Variants in FAM228A observed in about 807,000 individuals in gnomAD.
The protein encoded by FAM228A is protein FAM228A.
A neutral mutation model predicts 18.6 loss-of-function variants in FAM228A; 13 were observed. The observed-to-expected ratio is 0.70, with a 90% CI of 0.45 to 1.11. The LOEUF is 1.11. Ranked by LOEUF, FAM228A falls within the 50% of genes least tolerant of loss-of-function variation. The pLI is 0.00. For synonymous variants in FAM228A, 77 were observed against 86.6 expected (o/e 0.89, Z 0.61); for missense variants, 240 against 242.2 (o/e 0.99, Z 0.06).
intron 5 of FAM228A, among the ~76,000 whole-genome samples, chr2:24,185,126 T>C (rs1667917228): frequency 1.3e-5 from 2 of 152,104 alleles, no homozygotes; most frequent in Admixed American, 1.3e-4. Flanking sequence ...CCTGGCCTGC[T>C]TTTATAGTTT....
Position 24,183,654 on chromosome 2 carries a change from G to A in FAM228A, c.401+9G>A, listed in dbSNP as rs1253744420. On this transcript the variant is annotated intron_variant, in intron 5 of 5. Transcript: ENST00000295150. ...AAAACTTACAAATACAGGTACAGAT[G>A]AGCAGAACAAACAAATATTTGTTTA... The A allele has an allele frequency of 6.4e-7, 1 of 1,569,490 alleles. No individual in the cohort carries two copies. Among genetic ancestry groups the A allele is most frequent in the Admixed American group, 2.0e-5 (1 of 50,418 alleles).
rs1482135697 is a variant in FAM228A, at chr2:24,175,096, C to T, written c.-93C>T. 5.7e-6 allele frequency: 1 copy of T among 175,078 alleles called. No homozygotes were observed. The highest frequency in any genetic ancestry group is 1.2e-5 in the Non-Finnish European group (1 of 83,878). 10.8% of individuals were successfully genotyped at this position (175,078 alleles called of 1,614,324 possible). A position where few individuals can be genotyped will look rare whatever the true frequency, so the allele number is the denominator to read the frequency against. The stretch of plus-strand genomic sequence containing the variant: ...GCCCGCGGGCTCCTTTCTCCGTCGC[C>T]GCTCCAGGACGCGGCCTCGGGGGAG... On this transcript the variant is annotated 5_prime_UTR_variant, in exon 1 of 6. Coordinates refer to ENST00000295150, the MANE Select transcript of FAM228A (RefSeq NM_001040710.3).
intron 3 of FAM228A, among the ~76,000 whole-genome samples, chr2:24,178,195 G>T (rs1667735525): frequency 6.6e-6 from 1 of 152,132 alleles, no homozygotes; most frequent in Non-Finnish European, 1.5e-5. Context: ...TTCCCACATT[G>T]CAGTAAAACC....
At chr2:24,188,530 T>A in intron 5 of FAM228A, 1 of 985,056 alleles carries the variant, frequency 1.0e-6, no homozygotes, top group South Asian at 4.7e-5. Flanking sequence ...AGCGGGAGGG[T>A]GATGTTGAGA....
rs994677703 is a variant in FAM228A at position 24,190,714 on chromosome 2, AG to A, written c.*86del. The A allele has an allele frequency of 2.2e-5, 32 of 1,446,128 alleles. No individual in the cohort carries two copies. Among genetic ancestry groups the A allele is most frequent in the Non-Finnish European group, 2.7e-5 (30 of 1,098,034 alleles). 89.6% of individuals were successfully genotyped at this position (1,446,128 alleles called of 1,614,324 possible). ...CAAGAAGAAGGGTGTGAAGAGGAGG[AG>A]GGAGAAATGGCGGTGGCCTCAGGCT... On this transcript the variant is annotated 3_prime_UTR_variant, in exon 6 of 6. Transcript: ENST00000295150.
At chr2:24,175,665 G>A (rs1388835168) in intron 2 of FAM228A, 92 bp downstream of exon 2, 3 of 972,334 alleles carry the variant, frequency 3.1e-6, no homozygotes, top group Non-Finnish European at 4.8e-6. Flanking sequence ...CTGTTCTCAG[G>A]ATTGTGACAG....
intron 2 of FAM228A, 112 bp from the exon 3 acceptor site, chr2:24,177,690 C>T: frequency 3.3e-6 from 2 of 598,636 alleles, no homozygotes; most frequent in South Asian, 5.0e-5. Flanking sequence ...TTTTATGTTA[C>T]CAAATAAGCC....
At chr2:24,182,026 G>A (rs946534922) in intron 3 of FAM228A, among the ~76,000 whole-genome samples, 3 of 152,174 alleles carry the variant, frequency 2.0e-5, no homozygotes, top group African/African-American at 4.8e-5. Context: ...CGTGGCGAGT[G>A]TCACAGAAGT....
rs1018037550 is a variant in FAM228A at position 24,190,918 on chromosome 2, G to A, written c.*287G>A. 13 of 1,124,998 alleles carry A rather than the reference G, an allele frequency of 1.2e-5. No homozygotes were observed. The highest frequency in any genetic ancestry group is 8.2e-5 in the South Asian group (2 of 24,316). The allele number at this position is 1,124,998 out of a possible 1,614,324, so 69.7% of individuals were successfully genotyped here. Reference sequence around the variant, plus strand: ...TGAGATTTCTTCAGCGCCTTCGCCCGGGCCTTTGCCCTTCTGCCACTTTCC... The same window carrying A: ...TGAGATTTCTTCAGCGCCTTCGCCCAGGCCTTTGCCCTTCTGCCACTTTCC... On this transcript the variant is annotated 3_prime_UTR_variant, in exon 6 of 6. Transcript: ENST00000295150.
Position 24,175,957 on chromosome 2 carries a change from CCTTT to C in FAM228A, c.93+389_93+392del, listed in dbSNP as rs968037344. 7.8e-6 allele frequency: 8 copies of C among 1,023,912 alleles called. No homozygotes were observed. The African/African-American group carries it at 1.0e-4, about 13-fold the overall frequency. The allele number at this position is 1,023,912 out of a possible 1,614,324, so 63.4% of individuals were successfully genotyped here. A position where few individuals can be genotyped will look rare whatever the true frequency, so the allele number is the denominator to read the frequency against. On this transcript the variant is annotated intron_variant, in intron 2 of 5. Transcript: ENST00000295150. ...CGCTGTGAAAAACTCTTGGAAATTT[CCTTT>C]CTTTTTCCCCTTTTGCCCTAGTGGC...
intron 5 of FAM228A, chr2:24,188,622 A>G: frequency 1.0e-6 from 1 of 985,432 alleles, no homozygotes; most frequent in African/African-American, 1.7e-5. Context: ...GCACAGAGAA[A>G]TCAGTCTCTA....
intron 1 of FAM228A, 144 bp downstream of exon 1, chr2:24,175,318 C>T (rs55986600): frequency 4.6e-6 from 3 of 656,286 alleles, no homozygotes; most frequent in South Asian, 1.7e-5. Context: ...GTTGAAGCGC[C>T]TAGGGCGCCA....
At chr2:24,177,691 C>A (rs1667724085) in intron 2 of FAM228A, 111 bp from the exon 3 acceptor site, 1 of 600,656 alleles carries the variant, frequency 1.7e-6, no homozygotes, top group Non-Finnish European at 2.8e-6. Context: ...TTTATGTTAC[C>A]AAATAAGCCT....
In FAM228A at chr2:24,175,188, A is replaced by G; in HGVS notation, c.-15+14A>G. 1 of 346,100 alleles carries G rather than the reference A, an allele frequency of 2.9e-6. No homozygotes were observed. Among genetic ancestry groups the G allele is most frequent in the Non-Finnish European group, 5.3e-6 (1 of 187,634 alleles). The allele number at this position is 346,100 out of a possible 1,614,324, so 21.4% of individuals were successfully genotyped here. ...AGCTGGCCTGAGGTGGGGCCCGGGGAGGCCTACGGGCCTGGGGGTCGCGGA... is the reference window on the plus strand; with the variant it reads ...AGCTGGCCTGAGGTGGGGCCCGGGGGGGCCTACGGGCCTGGGGGTCGCGGA... On this transcript the variant is annotated intron_variant, in intron 1 of 5. Coordinates refer to ENST00000295150, the MANE Select transcript of FAM228A (RefSeq NM_001040710.3).
intron 3 of FAM228A, among the ~76,000 whole-genome samples, chr2:24,182,282 G>A (rs1667833842): frequency 6.6e-6 from 1 of 152,196 alleles, no homozygotes; most frequent in South Asian, 2.1e-4. Context: ...TCTGAAGATG[G>A]AAGTGGTTTC....
intron 1 of FAM228A, 146 bp from the exon 2 acceptor site, chr2:24,175,321 G>C (rs1667653161): frequency 4.5e-6 from 3 of 659,384 alleles, no homozygotes; most frequent in African/African-American, 1.8e-5. Flanking sequence ...GAAGCGCCTA[G>C]GGCGCCAAGG....
Position 24,190,887 on chromosome 2 carries a change from T to C in FAM228A, c.*256T>C. ...GGGCCAACCTGGCCACAGGGGCTTT[T>C]CCCCCTGAGATTTCTTCAGCGCCTT... On this transcript the variant is annotated 3_prime_UTR_variant, in exon 6 of 6. Transcript: ENST00000295150. 1 of 1,187,346 alleles carries C rather than the reference T, an allele frequency of 8.4e-7. No individual in the cohort carries two copies. The allele number at this position is 1,187,346 out of a possible 1,614,324, so 73.6% of individuals were successfully genotyped here.
intron 2 of FAM228A, among the ~76,000 whole-genome samples, chr2:24,177,550 T>A (rs1020132799): frequency 4.0e-5 from 6 of 151,290 alleles, no homozygotes; most frequent in African/African-American, 1.5e-4. Context: ...GGATTTTTTT[T>A]AAATAGTCTG....
intron 2 of FAM228A, 200 bp downstream of exon 2, chr2:24,175,773 C>T (rs986011191): frequency 2.5e-6 from 2 of 789,606 alleles, no homozygotes; most frequent in Non-Finnish European, 3.7e-6. Context: ...TGGGGGCTGG[C>T]GCACCGACGG....
Sources: allele counts gnomAD v4.1 joint callset (sites outside exome capture counted in the v4.1 genomes callset), GRCh38; gene constraint gnomAD v4.1.1; transcripts MANE v1.5; gene names NCBI Gene and HGNC (gene_info 2026-07-23, HGNC 2026-07-21).